PRKCE: variants seen among roughly 807,000 people sequenced by gnomAD.
PRKCE encodes the protein protein kinase C epsilon type.
PRKCE carries 16 observed loss-of-function variants against 85.4 expected under a neutral mutation model. The observed-to-expected ratio is 0.19, with a 90% CI of 0.13 to 0.28. The LOEUF (loss-of-function observed/expected upper bound fraction) is 0.28. Ranked by LOEUF, PRKCE falls within the 10% of genes least tolerant of loss-of-function variation. The pLI is 1.00. For missense variants in PRKCE, 573 were observed against 975.2 expected (o/e 0.59, Z 5.49); for synonymous variants, 388 against 371.5 (o/e 1.04, Z -0.51).
intron 1 of PRKCE, among the ~76,000 whole-genome samples, chr2:45,751,835 T>TTTTTTTTTTTTTTTTTTTTTTG: frequency 9.7e-6 from 1 of 103,190 alleles, no homozygotes; most frequent in African/African-American, 3.7e-5. Context: ...TTTTTTTTTT[T>TTTTTTTTTTTTTTTTTTTTTTG]GAGACGGAGG....
At chr2:45,898,367 C>A (rs1696310753) in intron 2 of PRKCE, among the ~76,000 whole-genome samples, 1 of 152,180 alleles carries the variant, frequency 6.6e-6, no homozygotes, top group Non-Finnish European at 1.5e-5. Flanking sequence ...GATCTACCTG[C>A]TGGAAGCTGT....
At chr2:45,801,771 T>C (rs1052789507) in intron 1 of PRKCE, among the ~76,000 whole-genome samples, 4 of 152,090 alleles carry the variant, frequency 2.6e-5, no homozygotes, top group Non-Finnish European at 4.4e-5. Flanking sequence ...TGGCTGTCCA[T>C]GGGACAGGTT....
At chr2:46,075,029 G>A (rs893922962) in intron 10 of PRKCE, among the ~76,000 whole-genome samples, 1 of 152,170 alleles carries the variant, frequency 6.6e-6, no homozygotes, top group African/African-American at 2.4e-5. Context: ...TCATTTCTAT[G>A]CTCAAAAATC....
intron 2 of PRKCE, among the ~76,000 whole-genome samples, chr2:45,855,371 C>T (rs1284981683): frequency 6.6e-6 from 1 of 152,154 alleles, no homozygotes; most frequent in Non-Finnish European, 1.5e-5. Context: ...CAAATTTAGG[C>T]AAAAATGGAA....
chr2:45,660,315 C>T (rs1449639972), intron 1 of PRKCE, among the ~76,000 whole-genome samples: 1 of 152,090 alleles, frequency 6.6e-6, no homozygotes, highest in Non-Finnish European at 1.5e-5. Context: ...TATGAGATCC[C>T]TGAAGATGTT....
At chr2:45,922,985 T>G (rs1174509853) in intron 2 of PRKCE, among the ~76,000 whole-genome samples, 3 of 152,232 alleles carry the variant, frequency 2.0e-5, no homozygotes, top group Non-Finnish European at 4.4e-5. Flanking sequence ...TGACGATTAT[T>G]TCCTCAAGAT....
At chr2:46,086,972 A>G (rs1669706262) in intron 11 of PRKCE, among the ~76,000 whole-genome samples, 1 of 152,120 alleles carries the variant, frequency 6.6e-6, no homozygotes, top group South Asian at 2.1e-4. Context: ...GCACGCGCAC[A>G]CTGATTTTCC....
At chr2:45,989,918 A>C (rs1703654836) in intron 6 of PRKCE, among the ~76,000 whole-genome samples, 1 of 152,166 alleles carries the variant, frequency 6.6e-6, no homozygotes, top group Non-Finnish European at 1.5e-5. Flanking sequence ...TTCCACTTTC[A>C]TCCTCAGACT....
At chr2:45,832,852 A>C (rs1690549233) in intron 1 of PRKCE, among the ~76,000 whole-genome samples, 1 of 152,220 alleles carries the variant, frequency 6.6e-6, no homozygotes. Context: ...TCACCCATCA[A>C]ATGGTTAAGA....
intron 2 of PRKCE, among the ~76,000 whole-genome samples, chr2:45,864,295 A>G (rs564642095): frequency 6.6e-6 from 1 of 152,300 alleles, no homozygotes; most frequent in Admixed American, 6.5e-5. Flanking sequence ...ACGAAGGTTC[A>G]TGGCTTTGCT....
chr2:45,817,066 AGTGTGTGTGTGT>A (rs200785601), intron 1 of PRKCE, among the ~76,000 whole-genome samples: 42 of 135,880 alleles, frequency 3.1e-4, no homozygotes, highest in Admixed American at 1.1e-3. Flanking sequence ...CTGTAAGTAG[AGTGTGTGTGTGT>A]GTGTGTGTGT....
intron 1 of PRKCE, among the ~76,000 whole-genome samples, chr2:45,743,495 G>A (rs1481236073): frequency 6.6e-6 from 1 of 151,424 alleles, no homozygotes; most frequent in Non-Finnish European, 1.5e-5. Context: ...AGGAGCTTTC[G>A]AGAGTAGACT....
chr2:46,119,070 G>C (rs1054692066), intron 11 of PRKCE, among the ~76,000 whole-genome samples: 4 of 152,166 alleles, frequency 2.6e-5, no homozygotes, highest in African/African-American at 9.7e-5. Context: ...GAACCATGGA[G>C]TCAACACGAT....
intron 10 of PRKCE, among the ~76,000 whole-genome samples, chr2:46,081,082 C>T (rs998240614): frequency 1.3e-5 from 2 of 152,178 alleles, no homozygotes; most frequent in African/African-American, 4.8e-5. Flanking sequence ...GCCTTCACCT[C>T]CTGGGCTCAA....
At chr2:46,106,907 C>T (rs1301324123) in intron 11 of PRKCE, among the ~76,000 whole-genome samples, 1 of 152,240 alleles carries the variant, frequency 6.6e-6, no homozygotes. Flanking sequence ...CTTTCTTCCC[C>T]ACCCTTCGAT....
At chr2:45,680,336 C>T (rs746206563) in intron 1 of PRKCE, among the ~76,000 whole-genome samples, 21 of 152,218 alleles carry the variant, frequency 1.4e-4, no homozygotes, top group Admixed American at 1.0e-3. Flanking sequence ...AATAAGCATA[C>T]AACCGCTCTG....
intron 1 of PRKCE, among the ~76,000 whole-genome samples, chr2:45,794,911 G>A (rs76893122): frequency 0.031 from 4,369 of 139,588 alleles, 227 homozygotes; most frequent in African/African-American, 0.11. Context: ...CAAACAAGTA[G>A]AAATGTCAAG....
At chr2:45,689,763 G>A (rs538877269) in intron 1 of PRKCE, among the ~76,000 whole-genome samples, 36 of 152,026 alleles carry the variant, frequency 2.4e-4, no homozygotes, top group African/African-American at 8.4e-4. Flanking sequence ...AGGCATGGTG[G>A]TGTGTGACTG....
intron 2 of PRKCE, among the ~76,000 whole-genome samples, chr2:45,939,954 G>A: frequency 6.6e-6 from 1 of 152,322 alleles, no homozygotes; most frequent in East Asian, 1.9e-4. Context: ...TACTGGGCTG[G>A]CAGTGAATTG....
Sources: allele counts gnomAD v4.1 joint callset (sites outside exome capture counted in the v4.1 genomes callset), GRCh38; gene constraint gnomAD v4.1.1; transcripts MANE v1.5; gene names NCBI Gene and HGNC (gene_info 2026-07-23, HGNC 2026-07-21).